Variants in CPAP observed in about 807,000 individuals in gnomAD.
The protein encoded by CPAP is centrosome assembly and centriole elongation protein.
At chr13:24,888,222 G>A in the CPAP span, among the ~76,000 whole-genome samples, 1 of 151,842 alleles carries the variant, frequency 6.6e-6, no homozygotes, top group Non-Finnish European at 1.5e-5. Flanking sequence ...TATTTTAAAA[G>A]ACTAGTAAAT....
chr13:24,933,143 C>T, the CPAP span: 2 of 1,548,584 alleles, frequency 1.3e-6, no homozygotes, highest in Admixed American at 3.3e-5. Flanking sequence ...CAGGTATTTC[C>T]AAATGTCATA....
chr13:24,916,710 A>T, the CPAP span, among the ~76,000 whole-genome samples: 1 of 152,226 alleles, frequency 6.6e-6, no homozygotes, highest in Non-Finnish European at 1.5e-5. Context: ...AGGAACTTTG[A>T]CTCAACAATT....
chr13:24,883,500 C>T, the CPAP span: 1 of 673,772 alleles, frequency 1.5e-6, no homozygotes, highest in Non-Finnish European at 2.5e-6. Flanking sequence ...TATCCCTATA[C>T]AATTGTAACT....
the CPAP span, among the ~76,000 whole-genome samples, chr13:24,918,453 C>G: frequency 1.3e-5 from 2 of 152,312 alleles, no homozygotes; most frequent in African/African-American, 4.8e-5. Flanking sequence ...AACCGAAAAT[C>G]TAAGTGTAAC....
the CPAP span, among the ~76,000 whole-genome samples, chr13:24,890,954 T>C: frequency 6.6e-6 from 1 of 152,042 alleles, no homozygotes; most frequent in Non-Finnish European, 1.5e-5. Flanking sequence ...CAAACACCTG[T>C]TAATTTTACC....
chr13:24,910,681 C>G, the CPAP span, among the ~76,000 whole-genome samples: 1 of 152,216 alleles, frequency 6.6e-6, no homozygotes, highest in African/African-American at 2.4e-5. Flanking sequence ...CTGCATGAGG[C>G]TAGTTCTTAT....
At chr13:24,889,453 C>A in the CPAP span, 9 of 1,208,662 alleles carry the variant, frequency 7.4e-6, no homozygotes, top group Non-Finnish European at 1.1e-5. Flanking sequence ...TCTATTAATA[C>A]ACTAAGTGAA....
the CPAP span, among the ~76,000 whole-genome samples, chr13:24,887,301 C>T: frequency 2.6e-5 from 4 of 152,262 alleles, no homozygotes; most frequent in African/African-American, 9.6e-5. Context: ...GCCCCAAACC[C>T]CACGGTATAC....
chr13:24,886,516 G>C, the CPAP span: 3 of 465,756 alleles, frequency 6.4e-6, no homozygotes, highest in Admixed American at 2.4e-5. Flanking sequence ...AGAGGGATCA[G>C]TCTAGGGACT....
chr13:24,893,005 C>T, the CPAP span: 11 of 710,482 alleles, frequency 1.5e-5, 1 homozygote, highest in South Asian at 1.2e-4. Flanking sequence ...ACATTTAAGA[C>T]GAATGTCGTG....
chr13:24,906,607 C>G, the CPAP span: 3 of 1,614,200 alleles, frequency 1.9e-6, no homozygotes, highest in Non-Finnish European at 2.5e-6. Flanking sequence ...ATTTCTTCCC[C>G]GTCTGTATTT....
At chr13:24,926,375 T>C in the CPAP span, among the ~76,000 whole-genome samples, 1 of 152,158 alleles carries the variant, frequency 6.6e-6, no homozygotes, top group Admixed American at 6.5e-5. Flanking sequence ...TGCAAACTGT[T>C]GTTTTCAATA....
the CPAP span, among the ~76,000 whole-genome samples, chr13:24,915,580 G>A: frequency 6.6e-6 from 1 of 152,192 alleles, no homozygotes; most frequent in South Asian, 2.1e-4. Context: ...GAGGCGGGTG[G>A]ATCACCTAAG....
chr13:24,924,258 T>C, the CPAP span, among the ~76,000 whole-genome samples: 2 of 151,288 alleles, frequency 1.3e-5, no homozygotes, highest in Admixed American at 6.6e-5. Flanking sequence ...TGATAGCCCT[T>C]TGGCTTGAAA....
the CPAP span, among the ~76,000 whole-genome samples, chr13:24,926,656 G>A: frequency 1.4e-4 from 22 of 152,160 alleles, no homozygotes; most frequent in African/African-American, 5.1e-4. Context: ...GTTTCCCTGA[G>A]CCCCCTCCTC....
the CPAP span, among the ~76,000 whole-genome samples, chr13:24,905,179 C>A: frequency 6.6e-6 from 1 of 152,098 alleles, no homozygotes; most frequent in Non-Finnish European, 1.5e-5. Flanking sequence ...AATTTTAAAG[C>A]CTCATATAGA....
the CPAP span, chr13:24,906,961 CTAAAA>C: frequency 5.0e-6 from 8 of 1,612,620 alleles, no homozygotes; most frequent in Admixed American, 1.3e-4. Flanking sequence ...CTTCTGCTTC[CTAAAA>C]TAAAAGAATA....
chr13:24,909,636 T>C, the CPAP span, among the ~76,000 whole-genome samples: 2 of 151,838 alleles, frequency 1.3e-5, no homozygotes, highest in Admixed American at 1.3e-4. Flanking sequence ...TGGGGGAAGA[T>C]TACTTGTGCC....
chr13:24,896,238 A>G, the CPAP span, among the ~76,000 whole-genome samples: 1 of 152,228 alleles, frequency 6.6e-6, no homozygotes, highest in African/African-American at 2.4e-5. Context: ...AATCAACACC[A>G]GAAGTCATAT....
Sources: gnomAD v4.1 joint callset for allele counts (sites outside exome capture counted in the v4.1 genomes callset) on GRCh38, gnomAD v4.1.1 for gene constraint, MANE v1.5 for transcripts, NCBI Gene and HGNC (gene_info 2026-07-23, HGNC 2026-07-21) for gene names.